The following FUBP1 variants were observed in gnomAD, a reference collection of about 807,000 sequenced individuals.
The protein encoded by FUBP1 is far upstream element-binding protein 1.
In FUBP1, 16 loss-of-function variants were observed where a neutral mutation model predicts 94.9. The ratio of observed to expected loss-of-function variants is 0.17; its 90% CI spans 0.11 to 0.26. FUBP1 has a LOEUF of 0.26. Ranked by LOEUF, FUBP1 falls within the 10% of genes least tolerant of loss-of-function variation. The probability of loss-of-function intolerance (pLI) is 1.00; values close to 1 mark genes in which losing one functional copy is unlikely to be tolerated. For missense variants in FUBP1, 583 were observed against 808.6 expected (o/e 0.72, Z 3.38); for synonymous variants, 279 against 254.9 (o/e 1.09, Z -0.90).
intron 13 of FUBP1, 104 bp from the exon 14 acceptor site, chr1:77,963,034 G>C: frequency 1.5e-6 from 1 of 680,564 alleles, no homozygotes; most frequent in Non-Finnish European, 2.5e-6. Flanking sequence ...AATATGGTTT[G>C]GTCAGTATCC....
chr1:77,967,106 GAAAT>G lies in FUBP1; in HGVS notation c.291-9_291-6del. ...TCTTCTGTCATTACAGATCTGCTAA[GAAAT>G]AACAGAAAGCACCATTTTCCTTCAA... On this transcript the variant is annotated splice_polypyrimidine_tract_variant and splice_region_variant and intron_variant, in intron 4 of 19. Coordinates refer to ENST00000370768, the MANE Select transcript of FUBP1 (RefSeq NM_003902.5). The G allele has an allele frequency of 6.5e-7, 1 of 1,531,094 alleles. No homozygotes were observed. Among genetic ancestry groups the G allele is most frequent in the Non-Finnish European group, 8.9e-7 (1 of 1,117,664 alleles). The allele number at this position is 1,531,094 out of a possible 1,614,324, so 94.8% of individuals were successfully genotyped here.
chr1:77,978,934 C>T lies in FUBP1; in HGVS notation c.71G>A (p.Gly24Asp), dbSNP rs2102563087. 3 of 1,613,486 alleles carry T rather than the reference C, an allele frequency of 1.9e-6. No homozygotes were observed. Among genetic ancestry groups the T allele is most frequent in the Non-Finnish European group, 2.5e-6 (3 of 1,179,628 alleles). Reference sequence around the variant, plus strand: ...TTTGAAAGCGTCGTTAACTCCTCCACCACCACCGCCGCCACCACCGCCACC... The same window carrying T: ...TTTGAAAGCGTCGTTAACTCCTCCATCACCACCGCCGCCACCACCGCCACC... ...SAGGGGGGGG[G>D]GGVNDAFKDA... Residue 24 changes from glycine to aspartate, a missense_variant, in exon 1 of 20, where the codon GGT becomes GAT. Transcript: ENST00000370768.
rs1337380671 is a variant in FUBP1 at position 77,960,495 on chromosome 1, C to T, written c.1345G>A (p.Gly449Ser). 1 of 1,593,978 alleles carries T rather than the reference C, an allele frequency of 6.3e-7. No homozygotes were observed. Among genetic ancestry groups the T allele is most frequent in the Non-Finnish European group, 8.5e-7 (1 of 1,172,642 alleles). ...ARQLIEEKIG[G>S]PVNPLGPPVP... ...GGTGGCCCTAAAGGATTTACTGGGC[C>T]CTACAAAAAAAAGGATGACATAGAA... The change falls in exon 15 of 20, where the codon GGC becomes AGC. Residue 449 changes from glycine (G) to serine (S), a missense_variant and splice_region_variant. Coordinates refer to ENST00000370768, the MANE Select transcript of FUBP1 (RefSeq NM_003902.5).
Position 77,978,974 on chromosome 1 carries a change from A to C in FUBP1, c.31T>G (p.Ser11Ala). 6.2e-7 allele frequency: 1 copy of C among 1,613,312 alleles called. No homozygotes were observed. The highest frequency in any genetic ancestry group is 1.1e-5 in the South Asian group (1 of 91,068). Residue 11 changes from serine (S) to alanine (A), a missense_variant, in exon 1 of 20, where the codon TCT becomes GCT. Coordinates refer to ENST00000370768, the MANE Select transcript of FUBP1 (RefSeq NM_003902.5). ...CCACCGCCACCAGCTGAGCCAGAAGAGGGGGGAGGCACTGTTGAATAGTCT... is the reference window on the plus strand; with the variant it reads ...CCACCGCCACCAGCTGAGCCAGAAGCGGGGGGAGGCACTGTTGAATAGTCT... MADYSTVPPP[S>A]SGSAGGGGGG...
chr1:77,948,830 T>C, intron 19 of FUBP1, 56 bp from the exon 20 acceptor site: 1 of 1,604,826 alleles, frequency 6.2e-7, no homozygotes, highest in Non-Finnish European at 8.5e-7. Flanking sequence ...ATCCTTGAAA[T>C]GGAGCTAATT....
intron 1 of FUBP1, among the ~76,000 whole-genome samples, chr1:77,977,216 A>G (rs1326264311): frequency 6.6e-6 from 1 of 152,156 alleles, no homozygotes; most frequent in African/African-American, 2.4e-5. Flanking sequence ...AAACAAACGA[A>G]AAAAAACAAG....
At chr1:77,972,670 G>A (rs1657794601) in intron 1 of FUBP1, among the ~76,000 whole-genome samples, 1 of 151,550 alleles carries the variant, frequency 6.6e-6, no homozygotes, top group Non-Finnish European at 1.5e-5. Flanking sequence ...GCTCAGGCAG[G>A]AGAATCACTT....
rs1046162243 is a variant in FUBP1, at chr1:77,945,173, G to C, written c.*3593C>G. Among the ~76,000 whole-genome samples the C allele has an allele frequency of 1.3e-5, 2 of 151,810 alleles. No homozygotes were observed. The highest frequency in any genetic ancestry group is 2.9e-5 in the Non-Finnish European group (2 of 67,830). On this transcript the variant is annotated 3_prime_UTR_variant, in exon 20 of 20. Coordinates refer to ENST00000370768, the MANE Select transcript of FUBP1 (RefSeq NM_003902.5). The stretch of plus-strand genomic sequence containing the variant: ...AGAATTCTCATGAGACAGAAACAAT[G>C]CCCCAATATCTATTATCATCAATCT...
At chr1:77,970,273 G>T (rs1352673350) in intron 1 of FUBP1, among the ~76,000 whole-genome samples, 3 of 151,994 alleles carry the variant, frequency 2.0e-5, no homozygotes, top group Admixed American at 6.6e-5. Context: ...TAGGAATCCG[G>T]AAGAGAGACC....
In FUBP1 at chr1:77,948,381, C is replaced by G; in HGVS notation, c.*385G>C. On this transcript the variant is annotated 3_prime_UTR_variant, in exon 20 of 20. Coordinates refer to ENST00000370768, the MANE Select transcript of FUBP1 (RefSeq NM_003902.5). ...AGAAATTATGAATCCTTTAAATACC[C>G]ACATATCCAACTTACCGACACAGGA... The G allele has an allele frequency of 9.4e-7, 1 of 1,066,550 alleles. No homozygotes were observed. Among genetic ancestry groups the G allele is most frequent in the Non-Finnish European group, 1.1e-6 (1 of 876,844 alleles). 66.1% of individuals were successfully genotyped at this position (1,066,550 alleles called of 1,614,324 possible). A position where few individuals can be genotyped will look rare whatever the true frequency, so the allele number is the denominator to read the frequency against.
chr1:77,978,999 T>C lies in FUBP1; in HGVS notation c.6A>G (p.Ala2=), dbSNP rs1392611212. The change falls in exon 1 of 20, where the codon GCA becomes GCG. Residue 2 remains alanine, a synonymous_variant. Transcript: ENST00000370768. M[A]DYSTVPPPSS... ...AGGGGGGAGGCACTGTTGAATAGTC[T>C]GCCATGGTTGCACTATAAGAGCCGC... 3 of 1,611,724 alleles carry C rather than the reference T, an allele frequency of 1.9e-6. No homozygotes were observed. In the Admixed American group the frequency reaches 5.0e-5, roughly 27 times the overall value.
chr1:77,965,769 C>T (rs187636432), intron 7 of FUBP1, among the ~76,000 whole-genome samples: 323 of 152,304 alleles, frequency 2.1e-3, no homozygotes, highest in Non-Finnish European at 4.0e-3. Context: ...GAAAATCAGG[C>T]TGGGGGAAGT....
intron 1 of FUBP1, among the ~76,000 whole-genome samples, chr1:77,978,646 G>A (rs549813492): frequency 6.6e-6 from 1 of 152,336 alleles, no homozygotes; most frequent in South Asian, 2.1e-4. Context: ...GCGGGAGAAA[G>A]ACTTCAGGCC....
Position 77,970,001 on chromosome 1 carries a change from A to G in FUBP1, c.135T>C (p.Ile45=). ...TCAGTGATGTCCCTGCATCACCTCCAATTTTTGCTGCAATCTAAAAAAAAA... is the reference window on the plus strand; with the variant it reads ...TCAGTGATGTCCCTGCATCACCTCCGATTTTTGCTGCAATCTAAAAAAAAA... ...LQRARQIAAK[I]GGDAGTSLNS... The change falls in exon 2 of 20, where the codon ATT becomes ATC. Residue 45 remains isoleucine, a synonymous_variant. Transcript: ENST00000370768. The G allele has an allele frequency of 6.3e-7, 1 of 1,575,578 alleles. No homozygotes were observed. Among genetic ancestry groups the G allele is most frequent in the South Asian group, 1.1e-5 (1 of 86,988 alleles).
chr1:77,979,121 C>G (rs1659356479), upstream of FUBP1: 1 of 1,058,988 alleles, frequency 9.4e-7, no homozygotes, highest in East Asian at 2.6e-5. Flanking sequence ...GACCATCGTG[C>G]CGTAAAGGGG....
chr1:77,962,474 C>T (rs1212355266), intron 14 of FUBP1, among the ~76,000 whole-genome samples: 1 of 152,178 alleles, frequency 6.6e-6, no homozygotes, highest in Non-Finnish European at 1.5e-5. Flanking sequence ...CTATGTCCTT[C>T]AAGTATGTTC....
chr1:77,960,726 A>C, intron 14 of FUBP1: 1 of 421,104 alleles, frequency 2.4e-6, no homozygotes. Flanking sequence ...ATTTAAATTA[A>C]ATTAAATTTA....
intron 1 of FUBP1, among the ~76,000 whole-genome samples, chr1:77,976,436 C>T (rs1341327417): frequency 6.6e-6 from 1 of 152,128 alleles, no homozygotes; most frequent in South Asian, 2.1e-4. Flanking sequence ...TCACAATTTG[C>T]CAACAATTTC....
chr1:77,954,899 G>T (rs1282415228), intron 18 of FUBP1, among the ~76,000 whole-genome samples: 2 of 152,082 alleles, frequency 1.3e-5, no homozygotes, highest in Non-Finnish European at 2.9e-5. Flanking sequence ...CTTCTTACCT[G>T]CTTATCTTGC....
Sources: allele counts gnomAD v4.1 joint callset (sites outside exome capture counted in the v4.1 genomes callset), GRCh38; gene constraint gnomAD v4.1.1; transcripts MANE v1.5; gene names NCBI Gene and HGNC (gene_info 2026-07-23, HGNC 2026-07-21).